The following TENT5D variants were observed in gnomAD, a reference collection of about 807,000 sequenced individuals.
TENT5D encodes cancer/testis antigen 112.
For missense variants in TENT5D, 191 were observed against 287.0 expected, an observed-to-expected ratio of 0.67 and a Z score of 2.42; for synonymous variants, 103 against 100.6, an observed-to-expected ratio of 1.02 and a Z score of -0.15.
intron 3 of TENT5D, among the ~76,000 whole-genome samples, chrX:80,408,460 C>T (rs1402848870): frequency 9.1e-6 from 1 of 109,861 alleles, no homozygotes; most frequent in East Asian, 2.9e-4. Flanking sequence ...TCAGAGAATA[C>T]TACAAACACC....
At chrX:80,373,474 G>A (rs1930666953) in intron 3 of TENT5D, among the ~76,000 whole-genome samples, 2 of 111,481 alleles carry the variant, frequency 1.8e-5, no homozygotes. Context: ...TGACCATTTA[G>A]AGGCCATTGT....
At chrX:80,398,403 G>A (rs1931328131) in intron 3 of TENT5D, among the ~76,000 whole-genome samples, 1 of 111,340 alleles carries the variant, frequency 9.0e-6, no homozygotes, top group East Asian at 2.8e-4. Context: ...AGAAGTTTTT[G>A]GTTTGATATA....
In TENT5D at chrX:80,345,795, T is replaced by A. The variant is rs192814825; in HGVS notation, c.-142+3231T>A. ...TCCTCTTTTCTTTCTATTGCCAGAGTTGCCTGGTTAGAGCTTACAATGGTA... is the reference window on the plus strand; with the variant it reads ...TCCTCTTTTCTTTCTATTGCCAGAGATGCCTGGTTAGAGCTTACAATGGTA... On this transcript the variant is annotated intron_variant, in intron 3 of 4. Transcript: ENST00000538312. 3.6e-5 allele frequency among the ~76,000 whole-genome samples: 4 copies of A among 111,506 alleles called. No homozygotes were observed. The Admixed American group carries it at 3.8e-4, about 11-fold the overall frequency.
rs752295382 is a variant in TENT5D at position 80,343,838 on chromosome X, T to A, written c.-142+1274T>A. Among the ~76,000 whole-genome samples, 3 of 111,756 alleles carry A rather than the reference T, an allele frequency of 2.7e-5. No homozygotes were observed. The East Asian group carries it at 8.5e-4, about 31-fold the overall frequency. On this transcript the variant is annotated intron_variant, in intron 3 of 4. Coordinates refer to the TENT5D transcript ENST00000538312. Reference sequence around the variant, plus strand: ...TAGGTTCAGGGGTTACATGTGCAGATTTGTTACATGGGTAAATAGCAAGTT... The same window carrying A: ...TAGGTTCAGGGGTTACATGTGCAGAATTGTTACATGGGTAAATAGCAAGTT...
intron 1 of TENT5D, among the ~76,000 whole-genome samples, chrX:80,427,471 G>GA (rs1932008223): frequency 8.9e-6 from 1 of 112,147 alleles, no homozygotes; most frequent in African/African-American, 3.2e-5. Flanking sequence ...CTTTAAGGCT[G>GA]TTTTTATTTT....
intron 1 of TENT5D, among the ~76,000 whole-genome samples, chrX:80,433,960 C>T (rs959688856): frequency 1.0e-4 from 11 of 108,755 alleles, no homozygotes; most frequent in African/African-American, 3.7e-4. Context: ...CATGGTGAAA[C>T]CCCATCTCTA....
chrX:80,405,710 TA>T (rs200467002), intron 3 of TENT5D, among the ~76,000 whole-genome samples: 10,714 of 111,625 alleles, frequency 0.096, 518 homozygotes, highest in African/African-American at 0.18. Flanking sequence ...CTTGCTTAGG[TA>T]AACAAAGCAG....
At chrX:80,413,869 A>G in intron 3 of TENT5D, among the ~76,000 whole-genome samples, 1 of 112,587 alleles carries the variant, frequency 8.9e-6, no homozygotes, top group Non-Finnish European at 1.9e-5. Flanking sequence ...CAAAACAACA[A>G]CAAAAACAGA....
chrX:80,419,999 G>A (rs1931854142), upstream of TENT5D, among the ~76,000 whole-genome samples: 1 of 112,131 alleles, frequency 8.9e-6, no homozygotes, highest in Non-Finnish European at 1.9e-5. Context: ...ACAGGCATGA[G>A]CCACCATGAC....
At chrX:80,342,586 G>A (rs1022549948) in intron 3 of TENT5D, 2 of 112,399 alleles carry the variant, frequency 1.8e-5, no homozygotes. Flanking sequence ...AGGTTAGAGA[G>A]AAATAAATTT....
chrX:80,336,721 TAA>T (rs1369928688), intron 2 of TENT5D, among the ~76,000 whole-genome samples: 21 of 112,021 alleles, frequency 1.9e-4, no homozygotes, highest in Admixed American at 2.9e-4. Flanking sequence ...AAGTTTCATA[TAA>T]AGTTCCTAGA....
chrX:80,335,526 G>A (rs1929829904), exon 1 of TENT5D: 1 of 111,746 alleles, frequency 8.9e-6, no homozygotes, highest in South Asian at 3.7e-4. Flanking sequence ...TCCCACCTTG[G>A]GTCCTTCGCC....
At chrX:80,420,411 T>C (rs1931861034), upstream of TENT5D, 1 of 111,101 alleles carries the variant, frequency 9.0e-6, no homozygotes, top group Admixed American at 9.7e-5. Flanking sequence ...GCAATAATAA[T>C]ATTCCTTGTC....
chrX:80,425,934 G>A (rs1289919389), intron 1 of TENT5D, among the ~76,000 whole-genome samples: 1 of 110,701 alleles, frequency 9.0e-6, no homozygotes, highest in East Asian at 2.8e-4. Context: ...GGCTGAGGCA[G>A]GAGAATCACT....
chrX:80,349,882 T>G (rs1207836332), intron 3 of TENT5D, among the ~76,000 whole-genome samples: 2 of 111,411 alleles, frequency 1.8e-5, no homozygotes, highest in African/African-American at 6.5e-5. Context: ...AAGAACTTCA[T>G]TATTTTTGCC....
chrX:80,442,886 T>C (rs1932315886), exon 3 of TENT5D: 1 of 1,210,879 alleles, frequency 8.3e-7, no homozygotes, highest in African/African-American at 1.7e-5. Context: ...CCAAAAGATG[T>C]AAAGAAGGAA....
intron 3 of TENT5D, among the ~76,000 whole-genome samples, chrX:80,346,321 A>C (rs1215892909): frequency 8.9e-6 from 1 of 112,353 alleles, no homozygotes; most frequent in Non-Finnish European, 1.9e-5. Flanking sequence ...ATATTTACAA[A>C]TATAACTGCT....
chrX:80,352,384 C>T (rs1490008760), intron 3 of TENT5D, among the ~76,000 whole-genome samples: 1 of 111,582 alleles, frequency 9.0e-6, no homozygotes, highest in Non-Finnish European at 1.9e-5. Context: ...TCTAGAGAGG[C>T]AATCTGGCCA....
intron 3 of TENT5D, among the ~76,000 whole-genome samples, chrX:80,386,073 G>A: frequency 8.9e-6 from 1 of 112,083 alleles, no homozygotes; most frequent in African/African-American, 3.2e-5. Context: ...CCATTACTGG[G>A]CATATACCCA....
Sources: allele counts gnomAD v4.1 joint callset (sites outside exome capture counted in the v4.1 genomes callset), GRCh38; gene constraint gnomAD v4.1.1; transcripts MANE v1.5; gene names NCBI Gene and HGNC (gene_info 2026-07-23, HGNC 2026-07-21).